The following EML6 variants were observed in gnomAD, a reference collection of about 807,000 sequenced individuals.
EML6 encodes echinoderm microtubule-associated protein-like 6.
In EML6, 154 loss-of-function variants were observed where a neutral mutation model predicts 240.1. That is an observed-to-expected ratio of 0.64 (90% CI 0.56 to 0.73). The LOEUF (loss-of-function observed/expected upper bound fraction) is 0.73. Among genes scored for constraint, EML6 ranks in the 30% least tolerant of loss-of-function variants. The pLI, the probability that EML6 is intolerant of heterozygous loss-of-function variation, is 0.00. For synonymous variants in EML6, 1,148 were observed against 899.0 expected, an observed-to-expected ratio of 1.28 and a Z score of -4.95; for missense variants, 2,964 against 2,474.6, an observed-to-expected ratio of 1.20 and a Z score of -4.20.
intron 7 of EML6, among the ~76,000 whole-genome samples, chr2:54,839,003 C>T (rs188692365): frequency 5.3e-5 from 8 of 152,312 alleles, no homozygotes; most frequent in African/African-American, 1.2e-4. Context: ...TTCTCTGACT[C>T]CCAGAGCAGA....
chr2:54,898,359 A>G (rs1022220132), intron 21 of EML6, among the ~76,000 whole-genome samples: 6 of 152,126 alleles, frequency 3.9e-5, no homozygotes, highest in Admixed American at 1.3e-4. Context: ...ACTAAAATAC[A>G]CAAAGGGGCT....
intron 2 of EML6, among the ~76,000 whole-genome samples, chr2:54,745,620 A>T (rs1460848374): frequency 1.3e-5 from 2 of 152,178 alleles, no homozygotes; most frequent in African/African-American, 2.4e-5. Context: ...CTACAAAAAA[A>T]TAAAAATAAA....
intron 26 of EML6, among the ~76,000 whole-genome samples, chr2:54,919,554 C>T (rs1193791073): frequency 1.3e-5 from 2 of 152,152 alleles, no homozygotes; most frequent in Admixed American, 6.5e-5. Context: ...AACCTTCTGC[C>T]AATGATCTGT....
At chr2:54,932,665 A>C (rs1408896567) in intron 28 of EML6, among the ~76,000 whole-genome samples, 1 of 152,216 alleles carries the variant, frequency 6.6e-6, no homozygotes, top group African/African-American at 2.4e-5. Flanking sequence ...AGGAAAGCAT[A>C]GTTTTTCAGA....
At position 54,819,499 on chromosome 2, in the gene EML6, C is replaced by T. The variant is rs535738135; in HGVS notation, c.457-895C>T. Reference sequence around the variant, plus strand: ...TCTTGTTAAAGAATGACAAATAGGCCGGGCACGGTGGCTCATGCCTGTAAT... The same window carrying T: ...TCTTGTTAAAGAATGACAAATAGGCTGGGCACGGTGGCTCATGCCTGTAAT... On this transcript the variant is annotated intron_variant, in intron 4 of 41. Coordinates refer to ENST00000356458, the MANE Select transcript of EML6 (RefSeq NM_001039753.4). Among the ~76,000 whole-genome samples, 9 of 152,214 alleles carry T rather than the reference C, an allele frequency of 5.9e-5. No homozygotes were observed. The South Asian group carries it at 6.2e-4, about 11-fold the overall frequency.
At chr2:54,908,775 A>C (rs1251525695) in intron 24 of EML6, among the ~76,000 whole-genome samples, 7 of 152,124 alleles carry the variant, frequency 4.6e-5, no homozygotes. Flanking sequence ...GTAGGCACCA[A>C]CTGATTCAGC....
At chr2:54,816,933 A>G in intron 4 of EML6, 48 bp downstream of exon 4, 1 of 1,174,488 alleles carries the variant, frequency 8.5e-7, no homozygotes, top group Non-Finnish European at 1.2e-6. Context: ...ACTTGGGGGG[A>G]CTTGTGATAT....
In EML6 at chr2:54,968,083, C is replaced by T. The variant is rs745965129; in HGVS notation, c.5598-45C>T. 50 of 1,538,302 alleles carry T rather than the reference C, an allele frequency of 3.3e-5. 1 individual carries two copies. The South Asian group carries it at 3.7e-4, about 11-fold the overall frequency. On this transcript the variant is annotated intron_variant, in intron 39 of 41. Coordinates refer to ENST00000356458, the MANE Select transcript of EML6 (RefSeq NM_001039753.4). ...GTGATGACTGACTGCAAGGAGCCTT[C>T]GCCGTGACTTCCTTCTATCCTAACC... is the stretch of plus-strand genomic sequence containing the variant.
intron 2 of EML6, among the ~76,000 whole-genome samples, chr2:54,756,072 C>G (rs1305789341): frequency 6.6e-6 from 1 of 152,094 alleles, no homozygotes; most frequent in Non-Finnish European, 1.5e-5. Context: ...GCCTTGGAAG[C>G]CCTGAATTCT....
At chr2:54,865,292 C>A in intron 13 of EML6, among the ~76,000 whole-genome samples, 1 of 145,960 alleles carries the variant, frequency 6.9e-6, no homozygotes, top group African/African-American at 2.6e-5. Context: ...AGCTTGAGAC[C>A]AGCCTAGTTA....
At chr2:54,778,154 T>C (rs1668679887) in intron 2 of EML6, among the ~76,000 whole-genome samples, 1 of 152,244 alleles carries the variant, frequency 6.6e-6, no homozygotes, top group Non-Finnish European at 1.5e-5. Flanking sequence ...TGTGAATCTC[T>C]AAATGTTTAG....
intron 35 of EML6, among the ~76,000 whole-genome samples, chr2:54,961,187 T>TTTTTTTTTTTTTGTTTTTGTTTTTG (rs1676488931): frequency 1.9e-4 from 1 of 5,318 alleles, no homozygotes; most frequent in Non-Finnish European, 3.9e-4. Flanking sequence ...GGAAGTAGTT[T>TTTTTTTTTTTTTGTTTTTGTTTTTG]TTTTTTTTTT....
intron 26 of EML6, among the ~76,000 whole-genome samples, chr2:54,919,274 A>C (rs1411706529): frequency 8.7e-6 from 1 of 114,700 alleles, no homozygotes; most frequent in African/African-American, 3.5e-5. Flanking sequence ...CAAAAGTCTT[A>C]TTTTTTGTCT....
chr2:54,728,933 C>T (rs548216840), intron 2 of EML6, among the ~76,000 whole-genome samples: 2 of 152,288 alleles, frequency 1.3e-5, no homozygotes, highest in African/African-American at 4.8e-5. Context: ...TGGAATGATT[C>T]ATCTTCCCCG....
At chr2:54,812,561 A>G (rs1263596402) in intron 2 of EML6, among the ~76,000 whole-genome samples, 2 of 152,054 alleles carry the variant, frequency 1.3e-5, no homozygotes, top group African/African-American at 4.8e-5. Context: ...ATACTTCTCA[A>G]CGGCTACTGA....
rs966272039 is a variant in EML6 at position 54,903,385 on chromosome 2, C to G, written c.3292C>G (p.Leu1098Val). Reference protein sequence around the residue: ...IKFSKDTGKYLAVASHDNFVD... With the variant: ...IKFSKDTGKYVAVASHDNFVD... The stretch of plus-strand genomic sequence containing the variant: ...TTTCTTAACAGATACGGGAAAATAC[C>G]TTGCCGTGGCATCCCATGATAACTT... The change falls in exon 24 of 42, where the codon CTT becomes GTT. Residue 1098 changes from leucine to valine, a missense_variant. Physicochemically the swap from Leu to Val is conservative, Grantham distance 32. Transcript: ENST00000356458. 9 of 1,551,508 alleles carry G rather than the reference C, an allele frequency of 5.8e-6. No homozygotes were observed. The highest frequency in any genetic ancestry group is 4.9e-5 in the East Asian group (2 of 40,906).
At chr2:54,910,306 G>C (rs982804310) in intron 24 of EML6, among the ~76,000 whole-genome samples, 2 of 152,214 alleles carry the variant, frequency 1.3e-5, no homozygotes, top group African/African-American at 4.8e-5. Context: ...ATTGTAGGAG[G>C]AGAATTAGGA....
chr2:54,902,889 A>AT (rs1673133696), intron 22 of EML6, among the ~76,000 whole-genome samples, 155 bp from the exon 23 acceptor site: 1 of 152,222 alleles, frequency 6.6e-6, no homozygotes, highest in South Asian at 2.1e-4. Flanking sequence ...GGTGTCTTAA[A>AT]TTAGGAAGTT....
rs1306250581 is a variant in EML6 at position 54,885,071 on chromosome 2, C to A, written c.2438+5431C>A. 2.0e-5 allele frequency among the ~76,000 whole-genome samples: 3 copies of A among 152,152 alleles called. No individual in the cohort carries two copies. In the East Asian group the frequency reaches 5.8e-4, roughly 29 times the overall value. On this transcript the variant is annotated intron_variant, in intron 17 of 41. Transcript: ENST00000356458. ...GCTTGGGAGGCTGAGGCATGAGACT[C>A]ATCTGAGCCCGGGAGGCAGAGGTTG...
Sources: gnomAD v4.1 joint callset for allele counts (sites outside exome capture counted in the v4.1 genomes callset) on GRCh38, gnomAD v4.1.1 for gene constraint, MANE v1.5 for transcripts, NCBI Gene and HGNC (gene_info 2026-07-23, HGNC 2026-07-21) for gene names.